The following AFG1L variants were observed in gnomAD, a reference collection of about 807,000 sequenced individuals.
AFG1L encodes the protein AFG1 like ATPase.
AFG1L carries 53 observed loss-of-function variants against 62.2 expected under a neutral mutation model. The ratio of observed to expected loss-of-function variants is 0.85; its 90% CI spans 0.68 to 1.07. The LOEUF (loss-of-function observed/expected upper bound fraction) is 1.07. Ranked by LOEUF, AFG1L falls within the 50% of genes least tolerant of loss-of-function variation. AFG1L has a pLI of 0.00. For missense variants in AFG1L, 555 were observed against 590.5 expected, an observed-to-expected ratio of 0.94 and a Z score of 0.62; for synonymous variants, 228 against 210.3, an observed-to-expected ratio of 1.08 and a Z score of -0.73.
rs567012055 is a variant in AFG1L, at chr6:108,301,586, A to C, written c.139+6368A>C. 3.3e-5 allele frequency among the ~76,000 whole-genome samples: 5 copies of C among 152,374 alleles called. No homozygotes were observed. In the East Asian group the frequency reaches 7.7e-4, roughly 23 times the overall value. Reference sequence around the variant, plus strand: ...CTCTTGAGTTCTGACAAAAGGTGATATCTAGAAGATTAATAACTGTTCAGT... The same window carrying C: ...CTCTTGAGTTCTGACAAAAGGTGATCTCTAGAAGATTAATAACTGTTCAGT... On this transcript the variant is annotated intron_variant, in intron 1 of 12. Coordinates refer to ENST00000368977, the MANE Select transcript of AFG1L (RefSeq NM_145315.5).
rs1314414518 is a variant in AFG1L, at chr6:108,353,181, GTC to G, written c.416-2465_416-2464del. Among the ~76,000 whole-genome samples the G allele has an allele frequency of 3.5e-5, 5 of 141,774 alleles. No homozygotes were observed. The Admixed American group carries it at 3.7e-4, about 10-fold the overall frequency. 93.0% of individuals were successfully genotyped at this position (141,774 alleles called of 152,430 possible). On this transcript the variant is annotated intron_variant, in intron 3 of 12. Transcript: ENST00000368977. ...TTTTTTTTTTTTTTTTGGACACAAA[GTC>G]TCTCTCTGTTGCTTAGGCTGGAGTG...
chr6:108,318,191 A>T (rs752248374), intron 1 of AFG1L: 16 of 265,902 alleles, frequency 6.0e-5, no homozygotes, highest in Middle Eastern at 1.5e-3. Flanking sequence ...CTGTGTGCCC[A>T]AGGAAAGTGG....
intron 10 of AFG1L, among the ~76,000 whole-genome samples, chr6:108,493,105 A>G (rs1041395104): frequency 3.3e-5 from 5 of 152,160 alleles, no homozygotes; most frequent in African/African-American, 9.7e-5. Flanking sequence ...CTGTTTTTCT[A>G]GAACAGGGTT....
At chr6:108,387,353 GTA>G (rs1433614224) in intron 6 of AFG1L, among the ~76,000 whole-genome samples, 3 of 152,222 alleles carry the variant, frequency 2.0e-5, no homozygotes, top group Non-Finnish European at 4.4e-5. Flanking sequence ...CTGCCAGTGG[GTA>G]GGCCATGGTG....
At chr6:108,378,963 C>G (rs117770452) in intron 6 of AFG1L, among the ~76,000 whole-genome samples, 2,722 of 149,948 alleles carry the variant, frequency 0.018, 92 homozygotes, top group Admixed American at 0.069. Context: ...TTGAACAGCC[C>G]TATGCTGCTG....
At chr6:108,352,039 T>G (rs1779103052) in intron 3 of AFG1L, among the ~76,000 whole-genome samples, 1 of 152,248 alleles carries the variant, frequency 6.6e-6, no homozygotes, top group Non-Finnish European at 1.5e-5. Flanking sequence ...GTTGTACAAC[T>G]ATTACCACCA....
chr6:108,354,339 C>T (rs1483846115), intron 3 of AFG1L, among the ~76,000 whole-genome samples: 3 of 151,710 alleles, frequency 2.0e-5, no homozygotes, highest in African/African-American at 4.8e-5. Context: ...GATGGAGTCT[C>T]TCTCTTGTCG....
chr6:108,341,960 A>C (rs1312663507), intron 2 of AFG1L, among the ~76,000 whole-genome samples: 1 of 152,196 alleles, frequency 6.6e-6, no homozygotes, highest in Non-Finnish European at 1.5e-5. Context: ...GCAGAAAACA[A>C]TTCACAGCAG....
chr6:108,522,177 G>A (rs996351920), intron 12 of AFG1L, 120 bp from the exon 13 acceptor site: 6 of 807,810 alleles, frequency 7.4e-6, no homozygotes, highest in African/African-American at 1.7e-5. Context: ...GAAAAAAAAA[G>A]TTATAAAAAA....
At chr6:108,488,111 T>C (rs945726711) in intron 10 of AFG1L, among the ~76,000 whole-genome samples, 1 of 152,154 alleles carries the variant, frequency 6.6e-6, no homozygotes, top group Non-Finnish European at 1.5e-5. Context: ...ACATGCTAGA[T>C]ATTTGTTTGT....
chr6:108,419,061 A>G (rs1449681861), intron 7 of AFG1L, among the ~76,000 whole-genome samples: 1 of 152,166 alleles, frequency 6.6e-6, no homozygotes, highest in Non-Finnish European at 1.5e-5. Flanking sequence ...TAAACCATTT[A>G]GTTTGTTTCA....
Position 108,441,701 on chromosome 6 carries a change from TAAAAA to T in AFG1L, c.808-5505_808-5501del, listed in dbSNP as rs33913085. On this transcript the variant is annotated intron_variant, in intron 7 of 12. Coordinates refer to ENST00000368977, the MANE Select transcript of AFG1L (RefSeq NM_145315.5). ...GAAATCTGAAAATCTGAGGTTTATT[TAAAAA>T]AAAAAAATATATATATATATATATA... 9.2e-4 allele frequency among the ~76,000 whole-genome samples: 130 copies of T among 141,790 alleles called. 1 individual carries two copies. The highest frequency in any genetic ancestry group is 3.3e-3 in the African/African-American group (124 of 37,880). The allele number at this position is 141,790 out of a possible 152,430, so 93.0% of individuals were successfully genotyped here.
chr6:108,440,351 T>G (rs545964058), intron 7 of AFG1L, among the ~76,000 whole-genome samples: 1 of 151,794 alleles, frequency 6.6e-6, no homozygotes, highest in Non-Finnish European at 1.5e-5. Flanking sequence ...GTATTTTTAG[T>G]AGAGATGGGG....
chr6:108,473,931 A>G (rs1308847057), intron 8 of AFG1L, among the ~76,000 whole-genome samples: 3 of 152,272 alleles, frequency 2.0e-5, no homozygotes, highest in Admixed American at 2.0e-4. Context: ...GATTTGTTAC[A>G]TAGGTAAATG....
chr6:108,391,800 G>T (rs748828788), intron 6 of AFG1L, among the ~76,000 whole-genome samples: 4 of 152,084 alleles, frequency 2.6e-5, no homozygotes, highest in Non-Finnish European at 5.9e-5. Context: ...GTTTCTAGAG[G>T]ATGCATTTCT....
At chr6:108,450,661 T>C (rs1189533874) in intron 8 of AFG1L, among the ~76,000 whole-genome samples, 1 of 152,240 alleles carries the variant, frequency 6.6e-6, no homozygotes, top group Non-Finnish European at 1.5e-5. Context: ...ATTTTAGACA[T>C]GAAGTCCTTG....
intron 7 of AFG1L, among the ~76,000 whole-genome samples, chr6:108,431,597 CTTTTT>C (rs5878977): frequency 5.0e-4 from 49 of 98,440 alleles, no homozygotes; most frequent in African/African-American, 1.2e-3. Flanking sequence ...TTCTTTGTTG[CTTTTT>C]TTTTTTTTTT....
Position 108,515,453 on chromosome 6 carries a change from G to A in AFG1L, c.1204-4244G>A, listed in dbSNP as rs570530471. Among the ~76,000 whole-genome samples, 1,437 of 152,192 alleles carry A rather than the reference G, an allele frequency of 9.4e-3. 18 individuals are homozygous for A. Among genetic ancestry groups the A allele is most frequent in the African/African-American group, 0.033 (1,369 of 41,516 alleles). On this transcript the variant is annotated intron_variant, in intron 11 of 12. Transcript: ENST00000368977. The stretch of plus-strand genomic sequence containing the variant: ...AATAAAGATGTTCTTTGAAACCAAC[G>A]AGAACAAAGACACAGCATACCAGAA...
chr6:108,386,174 T>C (rs751782853), intron 6 of AFG1L, among the ~76,000 whole-genome samples: 1 of 152,014 alleles, frequency 6.6e-6, no homozygotes, highest in Non-Finnish European at 1.5e-5. Context: ...AAAAGAAAAA[T>C]GCCTCTCCTG....
Sources: gnomAD v4.1 joint callset for allele counts (sites outside exome capture counted in the v4.1 genomes callset) on GRCh38, gnomAD v4.1.1 for gene constraint, MANE v1.5 for transcripts, NCBI Gene and HGNC (gene_info 2026-07-23, HGNC 2026-07-21) for gene names.